Variants in NIBAN3 observed in about 807,000 individuals in gnomAD.
NIBAN3 encodes the protein niban apoptosis regulator 3, also known as protein Niban 3.
In NIBAN3, 66 loss-of-function variants were observed where a neutral mutation model predicts 76.4. That is an observed-to-expected ratio of 0.86 (90% CI 0.71 to 1.06). NIBAN3 has a LOEUF of 1.06. Ranked by LOEUF, NIBAN3 falls within the 50% of genes least tolerant of loss-of-function variation. The pLI is 0.00. For synonymous variants in NIBAN3, 360 were observed against 355.2 expected (o/e 1.01, Z -0.15); for missense variants, 808 against 810.7 (o/e 1.00, Z 0.04).
intron 14 of NIBAN3, among the ~76,000 whole-genome samples, chr19:17,551,367 T>C (rs955778218): frequency 6.6e-6 from 1 of 152,116 alleles, no homozygotes; most frequent in South Asian, 2.1e-4. Flanking sequence ...AGTGCTGGGA[T>C]TACAAGCGTG....
chr19:17,552,073 T>A lies in NIBAN3; in HGVS notation c.*175T>A, dbSNP rs2144797121. ...TGTGTATTTTCCCCAAGGCTTTCTT[T>A]ATTTTAATTTTTTTTTTTTTTTTGA... On this transcript the variant is annotated 3_prime_UTR_variant, in exon 15 of 15. Coordinates refer to ENST00000599164, the MANE Select transcript of NIBAN3 (RefSeq NM_001321827.2). 7 of 414,546 alleles carry A rather than the reference T, an allele frequency of 1.7e-5. No homozygotes were observed. In the South Asian group the frequency reaches 3.0e-4, roughly 18 times the overall value. 25.7% of individuals were successfully genotyped at this position (414,546 alleles called of 1,614,324 possible).
At chr19:17,532,467 A>G (rs977918145) in intron 3 of NIBAN3, 79 bp downstream of exon 3, 6 of 1,593,502 alleles carry the variant, frequency 3.8e-6, no homozygotes, top group Non-Finnish European at 4.3e-6. Flanking sequence ...TGTGGGATCC[A>G]TATCTCAGCA....
At position 17,542,214 on chromosome 19, in the gene NIBAN3, C is replaced by A; in HGVS notation, c.1249C>A (p.Arg417Ser). The A allele has an allele frequency of 6.2e-7, 1 of 1,614,046 alleles. No homozygotes were observed. Among genetic ancestry groups the A allele is most frequent in the South Asian group, 1.1e-5 (1 of 91,074 alleles). ...CCGTGAGGCCGAGCGGAGCCGGGGG[C>A]GCTTGGGGCAGCTGGCAGCACCGTT... ...CYREAERSRG[R>S]LGQLAAPFGF... The change falls in exon 10 of 15, where the codon CGC becomes AGC. Residue 417 changes from arginine to serine, a missense_variant. Arg to Ser is a moderately radical substitution (Grantham distance 110). Transcript: ENST00000599164. This position sits in a 1 kb window ranked among gnomAD's most constrained non-coding sequence, Gnocchi z 4.8.
In NIBAN3 at chr19:17,542,324, C is replaced by T; in HGVS notation, c.1329+30C>T. On this transcript the variant is annotated intron_variant, in intron 10 of 14. Coordinates refer to ENST00000599164, the MANE Select transcript of NIBAN3 (RefSeq NM_001321827.2). The surrounding 1 kb of genome is among the most constrained non-coding windows in gnomAD (Gnocchi z 4.8). The stretch of plus-strand genomic sequence containing the variant: ...GGGTGAGAGGAGGCTGGGATGAGGC[C>T]AGGCTGTGAAGACAGCCTCCACTGA... 6.4e-7 allele frequency: 1 copy of T among 1,571,432 alleles called. No individual in the cohort carries two copies. The highest frequency in any genetic ancestry group is 8.6e-7 in the Non-Finnish European group (1 of 1,159,942).
chr19:17,548,244 G>A (rs1338635621), intron 13 of NIBAN3, among the ~76,000 whole-genome samples: 1 of 152,212 alleles, frequency 6.6e-6, no homozygotes, highest in Non-Finnish European at 1.5e-5. Context: ...CATGCAGCCA[G>A]CACAAGGGCA....
Position 17,553,424 on chromosome 19 carries a change from T to C in NIBAN3, c.*1526T>C. The C allele has an allele frequency of 6.2e-7, 1 of 1,614,238 alleles. No homozygotes were observed. On this transcript the variant is annotated 3_prime_UTR_variant, in exon 15 of 15. Coordinates refer to ENST00000599164, the MANE Select transcript of NIBAN3 (RefSeq NM_001321827.2). ...AACTGGATATTGGCAGCTTCTCTGCTGTCTTGCAGCTGCTTCCGGAGTGGG... is the reference window on the plus strand; with the variant it reads ...AACTGGATATTGGCAGCTTCTCTGCCGTCTTGCAGCTGCTTCCGGAGTGGG...
chr19:17,545,503 C>A, intron 12 of NIBAN3: 1 of 183,136 alleles, frequency 5.5e-6, no homozygotes, highest in Non-Finnish European at 1.1e-5. Flanking sequence ...CGGTAGTGGC[C>A]CCGAATGTCT....
At chr19:17,529,862 C>T (rs1439527288) in intron 1 of NIBAN3, among the ~76,000 whole-genome samples, 1 of 152,068 alleles carries the variant, frequency 6.6e-6, no homozygotes, top group Admixed American at 6.6e-5. Context: ...GAGTTTGAGA[C>T]CAGCCTGGAT....
chr19:17,537,639 TC>T, intron 5 of NIBAN3, 96 bp downstream of exon 5: 1 of 1,253,478 alleles, frequency 8.0e-7, no homozygotes, highest in Non-Finnish European at 1.1e-6. Context: ...GGCCTCACTT[TC>T]TTTACCCAGA....
Position 17,539,712 on chromosome 19 carries a change from C to T in NIBAN3, c.926C>T (p.Pro309Leu). Residue 309 changes from proline to leucine, a missense_variant, in exon 8 of 15, where the codon CCG (proline) becomes CTG (leucine). Pro to Leu is a moderately conservative substitution (Grantham distance 98). Coordinates refer to ENST00000599164, the MANE Select transcript of NIBAN3 (RefSeq NM_001321827.2). The stretch of plus-strand genomic sequence containing the variant: ...GCGTCGCTGGAGAAGACGATCCGCC[C>T]GGACGTGGACCAGCTGCTGCGGCAG... ...LLASLEKTIR[P>L]DVDQLLRQRA... 6.5e-7 allele frequency: 1 copy of T among 1,548,020 alleles called. No homozygotes were observed. Among genetic ancestry groups the T allele is most frequent in the East Asian group, 2.4e-5 (1 of 41,404 alleles).
rs1267412992 is a variant in NIBAN3, at chr19:17,530,816, T to A, written c.117T>A (p.Ser39=). The change falls in exon 2 of 15, where the codon TCT becomes TCA. Residue 39 remains serine, a synonymous_variant. Transcript: ENST00000599164. Reference sequence around the variant, plus strand: ...GCTACCGTGGGCAGCTGGCAGCGTCTGTCCTGCGGCAGATCTCTCGAGAGC... The same window carrying A: ...GCTACCGTGGGCAGCTGGCAGCGTCAGTCCTGCGGCAGATCTCTCGAGAGC... ...LPCYRGQLAA[S]VLRQISRELG... is the part of the protein sequence containing the mutation. 6.2e-7 allele frequency: 1 copy of A among 1,613,536 alleles called. No homozygotes were observed. Among genetic ancestry groups the A allele is most frequent in the African/African-American group, 1.3e-5 (1 of 75,026 alleles).
At chr19:17,535,763 G>C (rs1250524411) in intron 4 of NIBAN3, among the ~76,000 whole-genome samples, 1 of 132,830 alleles carries the variant, frequency 7.5e-6, no homozygotes, top group South Asian at 2.4e-4. Flanking sequence ...AAAAAAAAAA[G>C]CCAGGTGGCT....
intron 13 of NIBAN3, among the ~76,000 whole-genome samples, chr19:17,547,308 C>T (rs1411844377): frequency 2.8e-5 from 4 of 142,382 alleles, no homozygotes; most frequent in South Asian, 2.4e-4. Context: ...GAGACAAGAT[C>T]GCGCCACTGC....
At chr19:17,530,917 T>C in intron 2 of NIBAN3, 32 bp downstream of exon 2, 5 of 1,604,858 alleles carry the variant, frequency 3.1e-6, no homozygotes, top group Non-Finnish European at 3.4e-6. Flanking sequence ...GACGTTTGAG[T>C]GTTAGGGGAG....
rs766853948 is a variant in NIBAN3 at position 17,540,478 on chromosome 19, G to A, written c.1066G>A (p.Val356Met). 3.1e-6 allele frequency: 5 copies of A among 1,599,998 alleles called. No individual in the cohort carries two copies. The highest frequency in any genetic ancestry group is 2.2e-5 in the South Asian group (2 of 89,790). Residue 356 changes from valine (V) to methionine (M), a missense_variant, in exon 9 of 15, where the codon GTG becomes ATG. By Grantham distance (21) the Val-to-Met change is conservative. Transcript: ENST00000599164. ...GGTCGTGCAGACCCTGCTGCGCACC[G>A]TGGAAGCCTCGCTCGAGGCGGTGCG... Reference protein sequence around the residue: ...PRVVQTLLRTVEASLEAVRTL... With the variant: ...PRVVQTLLRTMEASLEAVRTL...
In NIBAN3 at chr19:17,553,618, T is replaced by C. The variant is rs2076189480; in HGVS notation, c.*1720T>C. ...TCCAACCCCACCTTCCGAAATACAT[T>C]TGCTCAATACATTTGCACTTCATAG... On this transcript the variant is annotated 3_prime_UTR_variant, in exon 15 of 15. Transcript: ENST00000599164. 5 of 1,478,524 alleles carry C rather than the reference T, an allele frequency of 3.4e-6. No homozygotes were observed. The Admixed American group carries it at 6.7e-5, about 20-fold the overall frequency. 91.6% of individuals were successfully genotyped at this position (1,478,524 alleles called of 1,614,324 possible).
At position 17,552,080 on chromosome 19, in the gene NIBAN3, A is replaced by ATTT. The variant is rs34537214; in HGVS notation, c.*196_*198dup. 9.4e-3 allele frequency: 2,806 copies of ATTT among 297,702 alleles called. 5 individuals are homozygous for ATTT. Among genetic ancestry groups the ATTT allele is most frequent in the East Asian group, 0.017 (334 of 19,312 alleles). 18.4% of individuals were successfully genotyped at this position (297,702 alleles called of 1,614,324 possible). A position where few individuals can be genotyped will look rare whatever the true frequency, so the allele number is the denominator to read the frequency against. On this transcript the variant is annotated 3_prime_UTR_variant, in exon 15 of 15. Transcript: ENST00000599164. ...TTTCCCCAAGGCTTTCTTTATTTTA[A>ATTT]TTTTTTTTTTTTTTTTGAGACTGAG...
At chr19:17,530,311 C>A (rs1179248739) in intron 1 of NIBAN3, among the ~76,000 whole-genome samples, 1 of 150,374 alleles carries the variant, frequency 6.7e-6, no homozygotes, top group Non-Finnish European at 1.5e-5. Context: ...CAGAGTGAGA[C>A]TCCATCAAAA....
chr19:17,547,244 C>T (rs1277411141), intron 13 of NIBAN3, among the ~76,000 whole-genome samples: 1 of 149,982 alleles, frequency 6.7e-6, no homozygotes, highest in Non-Finnish European at 1.5e-5. Flanking sequence ...GTCCCAGCTA[C>T]TCGGGAGGCT....
Sources: allele counts gnomAD v4.1 joint callset (sites outside exome capture counted in the v4.1 genomes callset), GRCh38; gene constraint gnomAD v4.1.1; non-coding constraint Gnocchi (gnomAD v3.1); transcripts MANE v1.5; gene names NCBI Gene and HGNC (gene_info 2026-07-23, HGNC 2026-07-21).